Variants in CCDC7 observed in about 807,000 individuals in gnomAD.
CCDC7 encodes coiled-coil domain-containing protein 7.
In CCDC7, 183 loss-of-function variants were observed where a neutral mutation model predicts 196.9. The observed-to-expected ratio is 0.93, with a 90% CI of 0.82 to 1.05. CCDC7 has a LOEUF of 1.05. Ranked by LOEUF, CCDC7 falls within the 50% of genes least tolerant of loss-of-function variation. The pLI is 0.00. For missense variants in CCDC7, 1,540 were observed against 1,482.2 expected, an observed-to-expected ratio of 1.04 and a Z score of -0.64; for synonymous variants, 525 against 484.6, an observed-to-expected ratio of 1.08 and a Z score of -1.10.
intron 11 of CCDC7, among the ~76,000 whole-genome samples, chr10:32,537,437 A>G (rs1051219073): frequency 7.2e-5 from 11 of 152,078 alleles, no homozygotes; most frequent in African/African-American, 2.4e-4. Flanking sequence ...TTTTCTCCCA[A>G]TCTCTAGGTT....
intron 40 of CCDC7, among the ~76,000 whole-genome samples, chr10:32,853,953 T>C (rs934167363): frequency 6.6e-6 from 1 of 152,162 alleles, no homozygotes; most frequent in African/African-American, 2.4e-5. Flanking sequence ...TGCATGACAT[T>C]GAGGTTTGGG....
chr10:32,755,549 G>A (rs2076292660), intron 28 of CCDC7, among the ~76,000 whole-genome samples: 1 of 152,094 alleles, frequency 6.6e-6, no homozygotes, highest in Non-Finnish European at 1.5e-5. Context: ...TTGACTGTTA[G>A]AAGGAAAACT....
At chr10:32,500,835 A>T (rs1389430111) in intron 9 of CCDC7, among the ~76,000 whole-genome samples, 1 of 152,234 alleles carries the variant, frequency 6.6e-6, no homozygotes, top group Non-Finnish European at 1.5e-5. Flanking sequence ...ACTCGCGGTC[A>T]GGAGCTGGAG....
intron 28 of CCDC7, among the ~76,000 whole-genome samples, chr10:32,729,926 CTTTG>C (rs1441819824): frequency 6.6e-6 from 1 of 151,850 alleles, no homozygotes; most frequent in Non-Finnish European, 1.5e-5. Context: ...TGTTTAACTT[CTTTG>C]TTTCTTTGTG....
At chr10:32,689,951 T>C (rs141979985) in intron 23 of CCDC7, among the ~76,000 whole-genome samples, 6,298 of 152,220 alleles carry the variant, frequency 0.041, 133 homozygotes, top group Middle Eastern at 0.065. Flanking sequence ...GCCAGGCTGG[T>C]CTCGAACTCC....
At chr10:32,864,371 C>T (rs966693743) in intron 41 of CCDC7, among the ~76,000 whole-genome samples, 3 of 151,358 alleles carry the variant, frequency 2.0e-5, no homozygotes, top group South Asian at 2.1e-4. Context: ...AGGGACAATG[C>T]CTTTTTCAAA....
At chr10:32,455,088 T>G (rs2034015229) in intron 2 of CCDC7, among the ~76,000 whole-genome samples, 1 of 152,146 alleles carries the variant, frequency 6.6e-6, no homozygotes, top group African/African-American at 2.4e-5. Flanking sequence ...TCTCTGTATT[T>G]CTCTATCTTC....
intron 20 of CCDC7, among the ~76,000 whole-genome samples, chr10:32,646,411 A>T (rs1382134874): frequency 1.3e-5 from 2 of 151,954 alleles, no homozygotes; most frequent in Admixed American, 6.6e-5. Flanking sequence ...GATTTCAATT[A>T]AAAAAATTGT....
At chr10:32,646,188 A>G (rs1482657524) in intron 20 of CCDC7, among the ~76,000 whole-genome samples, 1 of 130,480 alleles carries the variant, frequency 7.7e-6, no homozygotes, top group Admixed American at 7.4e-5. Context: ...TTTTAGGGCC[A>G]TTTTTCCTAT....
chr10:32,528,393 C>T (rs1213934696), intron 11 of CCDC7, among the ~76,000 whole-genome samples: 1 of 151,250 alleles, frequency 6.6e-6, no homozygotes, highest in Non-Finnish European at 1.5e-5. Flanking sequence ...GTATATTTAT[C>T]CCTCACCCCC....
Position 32,865,595 on chromosome 10 carries a change from G to A in CCDC7, c.4112-10752G>A, listed in dbSNP as rs532190268. ...ACTAATAGAACTTGATTAGAAAGGA[G>A]TATGAGGAAACGTTCTTAGAGTGAT... On this transcript the variant is annotated intron_variant, in intron 41 of 41. Coordinates refer to ENST00000639629, the Ensembl canonical transcript of CCDC7. 2.0e-5 allele frequency among the ~76,000 whole-genome samples: 3 copies of A among 151,920 alleles called. No homozygotes were observed. In the East Asian group the frequency reaches 5.8e-4, roughly 29 times the overall value.
intron 20 of CCDC7, among the ~76,000 whole-genome samples, chr10:32,648,921 T>C (rs916389265): frequency 2.6e-5 from 4 of 152,182 alleles, no homozygotes; most frequent in Non-Finnish European, 4.4e-5. Flanking sequence ...TACCTATCAA[T>C]GACAAATTGG....
chr10:32,576,995 A>G (rs1412860027), intron 16 of CCDC7, among the ~76,000 whole-genome samples: 1 of 152,160 alleles, frequency 6.6e-6, no homozygotes, highest in Non-Finnish European at 1.5e-5. Flanking sequence ...AACATAGAAT[A>G]TAAGAATTGA....
At position 32,457,874 on chromosome 10, in the gene CCDC7, T is replaced by C. The variant is rs190958705; in HGVS notation, c.456+1540T>C. Among the ~76,000 whole-genome samples the C allele has an allele frequency of 5.6e-5, 8 of 142,868 alleles. No homozygotes were observed. In the East Asian group the frequency reaches 1.6e-3, roughly 28 times the overall value. The allele number at this position is 142,868 out of a possible 152,430, so 93.7% of individuals were successfully genotyped here. ...AGCCATTTACCTATTTTAAAATCAG[T>C]TTTTTTTTGCCATTGAGTTGTCTGA... On this transcript the variant is annotated intron_variant, in intron 3 of 41. Coordinates refer to ENST00000639629, the Ensembl canonical transcript of CCDC7.
chr10:32,797,142 G>GCAC (rs1237508833), intron 29 of CCDC7, among the ~76,000 whole-genome samples: 17 of 151,212 alleles, frequency 1.1e-4, no homozygotes, highest in South Asian at 2.1e-4. Context: ...TCAACGAGTG[G>GCAC]ATAAACTGTG....
chr10:32,558,265 G>GATT (rs2054690617), intron 13 of CCDC7, among the ~76,000 whole-genome samples: 1 of 151,948 alleles, frequency 6.6e-6, no homozygotes, highest in Admixed American at 6.5e-5. Flanking sequence ...ATATTCTTCT[G>GATT]ATTATTATTA....
chr10:32,623,375 A>G (rs1054762735), intron 18 of CCDC7, among the ~76,000 whole-genome samples: 1 of 152,128 alleles, frequency 6.6e-6, no homozygotes, highest in Non-Finnish European at 1.5e-5. Context: ...TAACCTGATT[A>G]TGTGAGCTTC....
chr10:32,681,575 C>T (rs1465458031), intron 21 of CCDC7, among the ~76,000 whole-genome samples: 1 of 152,112 alleles, frequency 6.6e-6, no homozygotes, highest in African/African-American at 2.4e-5. Context: ...GCGACTACCT[C>T]CTATGCCTGC....
chr10:32,701,867 C>T lies in CCDC7; in HGVS notation c.2458+6875C>T, dbSNP rs2078793222. On this transcript the variant is annotated intron_variant, in intron 24 of 41. Coordinates refer to ENST00000639629, the Ensembl canonical transcript of CCDC7. ...TTCTGTGGGATCGGTGGTGATATCC[C>T]CTTTATCATTTTTTATTGCGTCAAT... is the stretch of plus-strand genomic sequence containing the variant. Among the ~76,000 whole-genome samples, 6 of 152,042 alleles carry T rather than the reference C, an allele frequency of 3.9e-5. No individual in the cohort carries two copies. The South Asian group carries it at 1.2e-3, about 32-fold the overall frequency.
Sources: gnomAD v4.1 joint callset for allele counts (sites outside exome capture counted in the v4.1 genomes callset) on GRCh38, gnomAD v4.1.1 for gene constraint, MANE v1.5 for transcripts, NCBI Gene and HGNC (gene_info 2026-07-23, HGNC 2026-07-21) for gene names.